Variants in FIP1L1 observed in about 807,000 individuals in gnomAD.
FIP1L1 encodes pre-mRNA 3'-end-processing factor FIP1.
In FIP1L1, 21 loss-of-function variants were observed where a neutral mutation model predicts 84.6. The observed-to-expected ratio is 0.25, with a 90% CI of 0.18 to 0.36. FIP1L1 has a LOEUF of 0.36. Among genes scored for constraint, FIP1L1 ranks in the 10% least tolerant of loss-of-function variants. FIP1L1 has a pLI of 1.00. For missense variants in FIP1L1, 526 were observed against 751.1 expected, an observed-to-expected ratio of 0.70 and a Z score of 3.50; for synonymous variants, 263 against 242.3, an observed-to-expected ratio of 1.09 and a Z score of -0.80.
chr4:53,426,961 T>A (rs1764591780), intron 12 of FIP1L1, among the ~76,000 whole-genome samples: 1 of 152,172 alleles, frequency 6.6e-6, no homozygotes, highest in African/African-American at 2.4e-5. Context: ...ATTTTCTGAG[T>A]CCTTTTAAAA....
At position 53,377,683 on chromosome 4, in the gene FIP1L1, C is replaced by T. The variant is rs1002739268; in HGVS notation, c.-156C>T. 9 of 645,280 alleles carry T rather than the reference C, an allele frequency of 1.4e-5. No individual in the cohort carries two copies. The highest frequency in any genetic ancestry group is 3.1e-5 in the East Asian group (1 of 32,706). The allele number at this position is 645,280 out of a possible 1,614,324, so 40.0% of individuals were successfully genotyped here. A position where few individuals can be genotyped will look rare whatever the true frequency, so the allele number is the denominator to read the frequency against. ...CCTGCGCTGGAGGCTTCATCTTTGC[C>T]GCCGCTGCCGTCGCCTTCCTGGGAT... On this transcript the variant is annotated 5_prime_UTR_variant, in exon 1 of 18. Transcript: ENST00000337488.
intron 4 of FIP1L1, among the ~76,000 whole-genome samples, chr4:53,383,399 C>T (rs1285881179): frequency 3.9e-5 from 6 of 152,108 alleles, no homozygotes; most frequent in African/African-American, 1.4e-4. Context: ...TGGTGGCTCA[C>T]GCCTGTAATT....
At position 53,414,837 on chromosome 4, in the gene FIP1L1, T is replaced by G. The variant is rs913126512; in HGVS notation, c.923+115T>G. On this transcript the variant is annotated intron_variant, in intron 11 of 17. Coordinates refer to ENST00000337488, the MANE Select transcript of FIP1L1 (RefSeq NM_030917.4). ...TACCATATTTTTACCCTCCAACTTA[T>G]GCTTTTTCAGGGTACAGTTGTAGGT... 12 of 675,718 alleles carry G rather than the reference T, an allele frequency of 1.8e-5. No individual in the cohort carries two copies. The African/African-American group carries it at 2.0e-4, about 11-fold the overall frequency. The allele number at this position is 675,718 out of a possible 1,614,324, so 41.9% of individuals were successfully genotyped here.
At chr4:53,406,801 G>A (rs1487380250) in intron 10 of FIP1L1, among the ~76,000 whole-genome samples, 1 of 152,242 alleles carries the variant, frequency 6.6e-6, no homozygotes, top group African/African-American at 2.4e-5. Context: ...TTGCGTAGAA[G>A]TGTTTGTAGT....
intron 16 of FIP1L1, among the ~76,000 whole-genome samples, chr4:53,456,613 G>C (rs1354395410): frequency 6.6e-6 from 1 of 152,124 alleles, no homozygotes; most frequent in Non-Finnish European, 1.5e-5. Flanking sequence ...GAAAATTACA[G>C]GCCAGTTTCA....
At chr4:53,454,821 TCTC>T (rs1461778289) in intron 16 of FIP1L1, among the ~76,000 whole-genome samples, 1 of 152,168 alleles carries the variant, frequency 6.6e-6, no homozygotes, top group Non-Finnish European at 1.5e-5. Flanking sequence ...GGCATTGCCT[TCTC>T]CTCTCTAGCT....
intron 12 of FIP1L1, among the ~76,000 whole-genome samples, chr4:53,427,200 G>C (rs963534632): frequency 6.6e-6 from 1 of 152,180 alleles, no homozygotes; most frequent in African/African-American, 2.4e-5. Flanking sequence ...TTAATGGAAA[G>C]AGGGATTGTA....
chr4:53,379,128 GTGATGATCACT>G lies in FIP1L1; in HGVS notation c.130+13_130+23del. 1 of 1,613,998 alleles carries G rather than the reference GTGATGATCACT, an allele frequency of 6.2e-7. No homozygotes were observed. Among genetic ancestry groups the G allele is most frequent in the East Asian group, 2.2e-5 (1 of 44,868 alleles). On this transcript the variant is annotated intron_variant, in intron 2 of 17. Coordinates refer to ENST00000337488, the MANE Select transcript of FIP1L1 (RefSeq NM_030917.4). ...TGGCAAAGGACCTAGGTTAGTGCTT[GTGATGATCACT>G]TCAGATTTTCATAATACTAGTTTCT...
chr4:53,454,483 TC>T (rs1395611121), intron 16 of FIP1L1, among the ~76,000 whole-genome samples: 1 of 152,186 alleles, frequency 6.6e-6, no homozygotes, highest in East Asian at 1.9e-4. Flanking sequence ...TGGAATTGCA[TC>T]CTTTAATGAG....
At chr4:53,385,924 A>G (rs1740788769) in intron 5 of FIP1L1, among the ~76,000 whole-genome samples, 1 of 152,214 alleles carries the variant, frequency 6.6e-6, no homozygotes, top group Admixed American at 6.5e-5. Context: ...TGAGAAAATG[A>G]AATTTGATAA....
In FIP1L1 at chr4:53,460,745, A is replaced by G. The variant is rs1721869285; in HGVS notation, c.*1296A>G. On this transcript the variant is annotated 3_prime_UTR_variant, in exon 18 of 18. Coordinates refer to ENST00000337488, the MANE Select transcript of FIP1L1 (RefSeq NM_030917.4). ...GTAGTTTTAATTTTTTTGGAATCAT[A>G]TTTTCTGAGGTGTAACTGGCTTTCA... 3.0e-6 allele frequency: 2 copies of G among 676,354 alleles called. No homozygotes were observed. The highest frequency in any genetic ancestry group is 6.4e-5 in the East Asian group (2 of 31,360). The allele number at this position is 676,354 out of a possible 1,614,324, so 41.9% of individuals were successfully genotyped here. A position where few individuals can be genotyped will look rare whatever the true frequency, so the allele number is the denominator to read the frequency against.
intron 11 of FIP1L1, among the ~76,000 whole-genome samples, chr4:53,416,586 C>G (rs1232345834): frequency 1.3e-5 from 2 of 152,186 alleles, no homozygotes; most frequent in African/African-American, 4.8e-5. Context: ...AGTTAAGAGG[C>G]AAAATCAGGA....
intron 16 of FIP1L1, among the ~76,000 whole-genome samples, chr4:53,453,775 AT>A (rs1560588327): frequency 6.6e-6 from 1 of 152,174 alleles, no homozygotes; most frequent in African/African-American, 2.4e-5. Context: ...GATTTTTAAA[AT>A]TTTTTGTAGA....
chr4:53,406,952 A>G (rs1164640110), intron 10 of FIP1L1, among the ~76,000 whole-genome samples: 1 of 152,086 alleles, frequency 6.6e-6, no homozygotes, highest in African/African-American at 2.4e-5. Context: ...GATCTTTTCA[A>G]AAAACCAGCT....
chr4:53,383,935 C>T, intron 5 of FIP1L1, 59 bp downstream of exon 5: 2 of 1,456,392 alleles, frequency 1.4e-6, no homozygotes, highest in Non-Finnish European at 1.9e-6. Context: ...GGAGAGTGTG[C>T]CTATATCAAA....
At chr4:53,412,277 T>A (rs1456259733) in intron 10 of FIP1L1, among the ~76,000 whole-genome samples, 1 of 152,138 alleles carries the variant, frequency 6.6e-6, no homozygotes, top group Non-Finnish European at 1.5e-5. Context: ...TTCTGTTAGA[T>A]AATCATACGG....
Position 53,414,603 on chromosome 4 carries a change from T to G in FIP1L1, c.816-12T>G. On this transcript the variant is annotated splice_polypyrimidine_tract_variant and intron_variant, in intron 10 of 17. Coordinates refer to ENST00000337488, the MANE Select transcript of FIP1L1 (RefSeq NM_030917.4). ...ATATGTAAGAAAAAACATAGAAAAT[T>G]TATCTCACCAGAAACAGCACTTCTT... is the stretch of plus-strand genomic sequence containing the variant. 1 of 1,591,196 alleles carries G rather than the reference T, an allele frequency of 6.3e-7. No homozygotes were observed. Among genetic ancestry groups the G allele is most frequent in the Non-Finnish European group, 8.6e-7 (1 of 1,163,294 alleles).
At chr4:53,456,672 C>A (rs189344151) in intron 16 of FIP1L1, among the ~76,000 whole-genome samples, 1 of 152,218 alleles carries the variant, frequency 6.6e-6, no homozygotes, top group African/African-American at 2.4e-5. Context: ...GAAGGCTGGT[C>A]ATTCTAGGAT....
At chr4:53,451,883 TC>T (rs1200336643) in intron 15 of FIP1L1, among the ~76,000 whole-genome samples, 8 of 146,752 alleles carry the variant, frequency 5.5e-5, no homozygotes, top group Admixed American at 4.1e-4. Flanking sequence ...TGATAGACAT[TC>T]CTTTTTTTTT....
Sources: allele counts gnomAD v4.1 joint callset (sites outside exome capture counted in the v4.1 genomes callset), GRCh38; gene constraint gnomAD v4.1.1; transcripts MANE v1.5; gene names NCBI Gene and HGNC (gene_info 2026-07-23, HGNC 2026-07-21).